Variants in ST6GALNAC5 observed in about 807,000 individuals in gnomAD.
ST6GALNAC5 encodes the protein alpha-N-acetylgalactosaminide alpha-2,6-sialyltransferase 5.
In ST6GALNAC5, 27 loss-of-function variants were observed where a neutral mutation model predicts 33.6. That is an observed-to-expected ratio of 0.80 (90% CI 0.59 to 1.11). ST6GALNAC5 has a LOEUF of 1.11. ST6GALNAC5 is among the 50% of genes least tolerant of loss of function. The pLI, the probability that ST6GALNAC5 is intolerant of heterozygous loss-of-function variation, is 0.00. For missense variants in ST6GALNAC5, 428 were observed against 454.0 expected (o/e 0.94, Z 0.52); for synonymous variants, 194 against 171.2 (o/e 1.13, Z -1.04).
At chr1:77,023,249 T>A (rs1339887713) in intron 2 of ST6GALNAC5, among the ~76,000 whole-genome samples, 1 of 152,220 alleles carries the variant, frequency 6.6e-6, no homozygotes, top group Non-Finnish European at 1.5e-5. Context: ...TGGTATTTTG[T>A]TATGGCAGCC....
chr1:76,937,695 AC>A (rs1333770615), intron 2 of ST6GALNAC5, among the ~76,000 whole-genome samples: 1 of 152,096 alleles, frequency 6.6e-6, no homozygotes, highest in Non-Finnish European at 1.5e-5. Flanking sequence ...GTGAACCTGT[AC>A]CTCACACTGA....
At chr1:76,919,917 C>A (rs1416061674) in intron 2 of ST6GALNAC5, among the ~76,000 whole-genome samples, 9 of 152,088 alleles carry the variant, frequency 5.9e-5, no homozygotes, top group Non-Finnish European at 1.0e-4. Flanking sequence ...AATCCATAAC[C>A]AGTTTCACAG....
At chr1:77,047,527 A>G (rs1317166137) in intron 3 of ST6GALNAC5, among the ~76,000 whole-genome samples, 2 of 152,288 alleles carry the variant, frequency 1.3e-5, no homozygotes, top group East Asian at 3.9e-4. Context: ...TAGAAGTTTC[A>G]CCCTCCTTAA....
chr1:76,983,635 T>C (rs1649353837), intron 2 of ST6GALNAC5, among the ~76,000 whole-genome samples: 1 of 152,202 alleles, frequency 6.6e-6, no homozygotes, highest in Non-Finnish European at 1.5e-5. Context: ...ATCCAGGACC[T>C]GAACTCAGCT....
At chr1:76,889,757 C>T (rs1374391219) in intron 2 of ST6GALNAC5, among the ~76,000 whole-genome samples, 3 of 152,068 alleles carry the variant, frequency 2.0e-5, no homozygotes, top group Non-Finnish European at 2.9e-5. Flanking sequence ...ATTCTCTATT[C>T]AGCTGTATCT....
chr1:77,027,828 G>T (rs1387143708), intron 2 of ST6GALNAC5, among the ~76,000 whole-genome samples: 1 of 152,188 alleles, frequency 6.6e-6, no homozygotes, highest in Non-Finnish European at 1.5e-5. Context: ...TTTAATACCA[G>T]ATATCATTTA....
intron 2 of ST6GALNAC5, among the ~76,000 whole-genome samples, chr1:76,897,783 T>A (rs1261458646): frequency 1.3e-5 from 2 of 151,770 alleles, no homozygotes; most frequent in Admixed American, 6.6e-5. Flanking sequence ...TAAAAAGGAG[T>A]GCTTAAAAGA....
At chr1:77,011,921 C>T (rs1241635691) in intron 2 of ST6GALNAC5, among the ~76,000 whole-genome samples, 3 of 152,164 alleles carry the variant, frequency 2.0e-5, no homozygotes, top group African/African-American at 7.2e-5. Flanking sequence ...AATTAATCTT[C>T]ACAATGACTT....
Position 77,062,959 on chromosome 1 carries a change from C to T in ST6GALNAC5, c.780-16C>T, listed in dbSNP as rs1169926766. 1.2e-6 allele frequency: 2 copies of T among 1,603,410 alleles called. 1 individual carries two copies. Among genetic ancestry groups the T allele is most frequent in the South Asian group, 2.2e-5 (2 of 90,408 alleles). On this transcript the variant is annotated splice_polypyrimidine_tract_variant and intron_variant, in intron 4 of 4. Transcript: ENST00000477717. The stretch of plus-strand genomic sequence containing the variant: ...ATTTTTTTGCTTTAATCAGTTATCT[C>T]AATTTCCTCCTACAGGGATCCCAAT...
At chr1:76,980,108 T>G (rs916340635) in intron 2 of ST6GALNAC5, among the ~76,000 whole-genome samples, 2 of 152,086 alleles carry the variant, frequency 1.3e-5, no homozygotes, top group African/African-American at 2.4e-5. Context: ...TAAGATTAAT[T>G]TTAAAAATTA....
chr1:76,959,235 A>T (rs1285544389), intron 2 of ST6GALNAC5, among the ~76,000 whole-genome samples: 1 of 152,126 alleles, frequency 6.6e-6, no homozygotes, highest in Admixed American at 6.6e-5. Flanking sequence ...ATCCATATTT[A>T]ATGTCTAGAA....
At chr1:76,929,629 G>A (rs1017899593) in intron 2 of ST6GALNAC5, among the ~76,000 whole-genome samples, 9 of 152,232 alleles carry the variant, frequency 5.9e-5, no homozygotes, top group East Asian at 1.9e-4. Flanking sequence ...TGTGCATTAC[G>A]ATAGCTGCTA....
intron 2 of ST6GALNAC5, among the ~76,000 whole-genome samples, chr1:76,984,457 T>C (rs1482178198): frequency 6.6e-5 from 10 of 152,170 alleles, no homozygotes; most frequent in Admixed American, 5.2e-4. Flanking sequence ...CTCCCAAGAC[T>C]AAACTAGGAA....
intron 2 of ST6GALNAC5, among the ~76,000 whole-genome samples, chr1:76,968,202 AT>A (rs1263685128): frequency 6.6e-6 from 1 of 152,118 alleles, no homozygotes; most frequent in Non-Finnish European, 1.5e-5. Flanking sequence ...TCCCATTATT[AT>A]TCTGCGGGAG....
At chr1:76,974,630 G>GA (rs1330348835) in intron 2 of ST6GALNAC5, among the ~76,000 whole-genome samples, 1 of 151,690 alleles carries the variant, frequency 6.6e-6, no homozygotes, top group East Asian at 1.9e-4. Flanking sequence ...GGTCTGGTGT[G>GA]AAGGTTATTG....
At chr1:77,025,698 A>G (rs1651204658) in intron 2 of ST6GALNAC5, among the ~76,000 whole-genome samples, 2 of 152,102 alleles carry the variant, frequency 1.3e-5, no homozygotes, top group African/African-American at 4.8e-5. Flanking sequence ...AAGTGAGAGA[A>G]GGGGGTCAAT....
intron 2 of ST6GALNAC5, among the ~76,000 whole-genome samples, chr1:76,912,971 C>G (rs1362941835): frequency 4.0e-5 from 6 of 151,834 alleles, no homozygotes; most frequent in Non-Finnish European, 7.4e-5. Flanking sequence ...ATGATGTTAG[C>G]TGGTTATTTT....
chr1:76,898,407 T>A (rs1400738788), intron 2 of ST6GALNAC5, among the ~76,000 whole-genome samples: 1 of 152,238 alleles, frequency 6.6e-6, no homozygotes, highest in Non-Finnish European at 1.5e-5. Flanking sequence ...TTGTACACCT[T>A]GAAGTTGAGG....
Position 76,893,977 on chromosome 1 carries a change from T to C in ST6GALNAC5, c.261+25235T>C, listed in dbSNP as rs1163997424. ...CCCAGCCTAGAAGAGACGCTCTTGA[T>C]ATTCAGGTTTTCTTTAACCCTGAGA... On this transcript the variant is annotated intron_variant, in intron 2 of 4. Transcript: ENST00000477717. 2.0e-5 allele frequency among the ~76,000 whole-genome samples: 3 copies of C among 152,164 alleles called. No homozygotes were observed. In the East Asian group the frequency reaches 5.8e-4, roughly 29 times the overall value.
Sources: gnomAD v4.1 joint callset for allele counts (sites outside exome capture counted in the v4.1 genomes callset) on GRCh38, gnomAD v4.1.1 for gene constraint, MANE v1.5 for transcripts, NCBI Gene and HGNC (gene_info 2026-07-23, HGNC 2026-07-21) for gene names.